The following LIMA1 variants were observed in gnomAD, a reference collection of about 807,000 sequenced individuals.
LIMA1 encodes LIM domain and actin binding 1, also known as LIM domain and actin-binding protein 1.
Under a neutral mutation model 62.6 loss-of-function variants are expected in LIMA1, and 52 were observed. The ratio of observed to expected loss-of-function variants is 0.83; its 90% CI spans 0.67 to 1.05. LIMA1 has a LOEUF of 1.05. Among genes scored for constraint, LIMA1 ranks in the 50% least tolerant of loss-of-function variants. The probability of loss-of-function intolerance (pLI) is 0.00; values close to 1 mark genes in which losing one functional copy is unlikely to be tolerated. For missense variants in LIMA1, 780 were observed against 902.2 expected (o/e 0.86, Z 1.74); for synonymous variants, 302 against 317.8 (o/e 0.95, Z 0.53).
intron 4 of LIMA1, among the ~76,000 whole-genome samples, chr12:50,219,453 C>T (rs1941405484): frequency 6.6e-6 from 1 of 152,088 alleles, no homozygotes; most frequent in Non-Finnish European, 1.5e-5. Flanking sequence ...CCAATACACT[C>T]CAGCCTGAGT....
intron 2 of LIMA1, among the ~76,000 whole-genome samples, chr12:50,240,199 G>C (rs1299335647): frequency 6.6e-6 from 1 of 152,074 alleles, no homozygotes; most frequent in Non-Finnish European, 1.5e-5. Flanking sequence ...ATGCATAAAG[G>C]CCTCAAGGCA....
At chr12:50,219,586 T>C (rs1408266434) in intron 4 of LIMA1, 7 of 152,228 alleles carry the variant, frequency 4.6e-5, no homozygotes, top group Non-Finnish European at 1.0e-4. Flanking sequence ...GGCTGTGTTT[T>C]CCACTCCCTA....
chr12:50,246,828 G>T (rs1488937597), intron 2 of LIMA1, among the ~76,000 whole-genome samples: 2 of 152,090 alleles, frequency 1.3e-5, no homozygotes, highest in Non-Finnish European at 2.9e-5. Flanking sequence ...TCCACTTCAA[G>T]CTCACTGCTT....
chr12:50,264,154 C>T (rs2138680102), intron 1 of LIMA1, among the ~76,000 whole-genome samples: 1 of 151,856 alleles, frequency 6.6e-6, no homozygotes, highest in South Asian at 2.1e-4. Context: ...TATGAAAGGT[C>T]CAGAACAGGA....
Position 50,177,366 on chromosome 12 carries a change from C to T in LIMA1, c.1978G>A (p.Gly660Arg). Residue 660 changes from glycine to arginine, a missense_variant, in exon 11 of 11, where the codon GGA (glycine) becomes AGA (arginine). Coordinates refer to ENST00000341247, the MANE Select transcript of LIMA1 (RefSeq NM_016357.5). ...TCCTTACTTCTCTTCCCTGTCTCTC[C>T]TTTAGATTCTTTGTTTTGCCAGGTT... ...KTTWQNKESK[G>R]ETGKRSKEGH... 1 of 1,614,200 alleles carries T rather than the reference C, an allele frequency of 6.2e-7. No homozygotes were observed. The highest frequency in any genetic ancestry group is 8.5e-7 in the Non-Finnish European group (1 of 1,180,050).
At chr12:50,193,498 CATATATGTGTATATATGATAT>C in intron 8 of LIMA1, among the ~76,000 whole-genome samples, 1 of 123,090 alleles carries the variant, frequency 8.1e-6, no homozygotes, top group East Asian at 2.3e-4. Flanking sequence ...ATATATATAT[CATATATGTGTATATATGATAT>C]ATATACACAT....
intron 2 of LIMA1, among the ~76,000 whole-genome samples, chr12:50,242,267 G>A (rs974022358): frequency 6.6e-6 from 1 of 151,740 alleles, no homozygotes; most frequent in African/African-American, 2.4e-5. Context: ...ACAGAGAAGC[G>A]AAAGAAGAGG....
chr12:50,250,904 A>G (rs1229325597), intron 1 of LIMA1, among the ~76,000 whole-genome samples: 1 of 152,216 alleles, frequency 6.6e-6, no homozygotes, highest in Non-Finnish European at 1.5e-5. Context: ...ATAAAGAAGA[A>G]AAGACCCTGA....
intron 1 of LIMA1, among the ~76,000 whole-genome samples, chr12:50,257,497 T>C (rs949850026): frequency 3.3e-5 from 5 of 152,142 alleles, no homozygotes; most frequent in East Asian, 1.9e-4. Flanking sequence ...ACACCAGCAG[T>C]GTTTCTTGTG....
chr12:50,193,054 C>T (rs1940815465), intron 8 of LIMA1, among the ~76,000 whole-genome samples: 1 of 151,942 alleles, frequency 6.6e-6, no homozygotes. Context: ...TGTTTTTGGT[C>T]AGTTCTATAG....
chr12:50,274,361 G>A (rs7311378), intron 1 of LIMA1, among the ~76,000 whole-genome samples: 48,844 of 152,044 alleles, frequency 0.32, 8,138 homozygotes, highest in South Asian at 0.48. Flanking sequence ...CAAGGCAGGC[G>A]GATAATGAGG....
intron 9 of LIMA1, chr12:50,186,514 T>C (rs1940633958): frequency 6.5e-6 from 1 of 152,764 alleles, no homozygotes; most frequent in Non-Finnish European, 1.5e-5. Flanking sequence ...ACAATGCCTG[T>C]AGCATAGATT....
intron 7 of LIMA1, among the ~76,000 whole-genome samples, chr12:50,197,229 C>T (rs958573252): frequency 1.3e-5 from 2 of 152,038 alleles, no homozygotes; most frequent in Non-Finnish European, 2.9e-5. Context: ...CATTATCACA[C>T]CCGGCTAATT....
At chr12:50,226,055 A>G (rs575262479) in intron 3 of LIMA1, among the ~76,000 whole-genome samples, 7 of 151,758 alleles carry the variant, frequency 4.6e-5, no homozygotes, top group Non-Finnish European at 8.8e-5. Flanking sequence ...TTATTTACTT[A>G]TTTATTTTTG....
Position 50,178,966 on chromosome 12 carries a change from A to ATATATTT in LIMA1, c.1275-898_1275-897insAAATATA, listed in dbSNP as rs56674261. ...TATATAAATACATATATATATATAT[A>ATATATTT]TTTTTTTTTTCTTTTTCTTTTCTTT... On this transcript the variant is annotated intron_variant, in intron 10 of 10. Coordinates refer to ENST00000341247, the MANE Select transcript of LIMA1 (RefSeq NM_016357.5). Among the ~76,000 whole-genome samples the ATATATTT allele has an allele frequency of 3.8e-3, 492 of 128,954 alleles. 9 individuals are homozygous for ATATATTT. In the East Asian group the frequency reaches 0.047, roughly 12 times the overall value. The allele number at this position is 128,954 out of a possible 152,430, so 84.6% of individuals were successfully genotyped here.
intron 7 of LIMA1, chr12:50,196,116 A>C: frequency 2.2e-6 from 1 of 459,426 alleles, no homozygotes; most frequent in Non-Finnish European, 3.8e-6. Flanking sequence ...CCCGAGAAAC[A>C]GACTGCACTC....
intron 1 of LIMA1, among the ~76,000 whole-genome samples, chr12:50,260,557 T>TG (rs2138670295): frequency 1.3e-5 from 2 of 152,330 alleles, no homozygotes; most frequent in Admixed American, 1.3e-4. Context: ...CTCTTCAAAT[T>TG]AAGTTCATTT....
chr12:50,256,759 G>C (rs1942001958), intron 1 of LIMA1, among the ~76,000 whole-genome samples: 1 of 152,114 alleles, frequency 6.6e-6, no homozygotes, highest in Non-Finnish European at 1.5e-5. Flanking sequence ...AGCTGGGGAA[G>C]GGCAAATACA....
chr12:50,212,283 T>C (rs1941271402), intron 4 of LIMA1, among the ~76,000 whole-genome samples: 1 of 152,028 alleles, frequency 6.6e-6, no homozygotes, highest in Admixed American at 6.6e-5. Context: ...ACTTAGCCAC[T>C]TCCTTCAACC....
Sources: gnomAD v4.1 joint callset for allele counts (sites outside exome capture counted in the v4.1 genomes callset) on GRCh38, gnomAD v4.1.1 for gene constraint, MANE v1.5 for transcripts, NCBI Gene and HGNC (gene_info 2026-07-23, HGNC 2026-07-21) for gene names.